C3orf49: variants seen among roughly 807,000 people sequenced by gnomAD.
The protein encoded by C3orf49 is chromosome 3 open reading frame 49.
C3orf49 carries 27 observed loss-of-function variants against 13.3 expected under a neutral mutation model. That is an observed-to-expected ratio of 2.02 (90% CI 1.49 to 2.79). C3orf49 has a LOEUF of 2.79. Ranked by LOEUF, C3orf49 falls within the 30% of genes most tolerant of loss-of-function variation. The probability of loss-of-function intolerance (pLI) is 0.00; values close to 1 mark genes in which losing one functional copy is unlikely to be tolerated. For missense variants in C3orf49, 242 were observed against 134.2 expected (o/e 1.80, Z -3.97); for synonymous variants, 87 against 47.6 (o/e 1.83, Z -3.40).
intron 2 of C3orf49, among the ~76,000 whole-genome samples, chr3:63,824,743 G>A (rs952661576): frequency 2.6e-5 from 4 of 151,594 alleles, no homozygotes; most frequent in Admixed American, 2.0e-4. Flanking sequence ...AAGCTGAAGT[G>A]GGCGAATCGC....
chr3:63,823,378 A>C lies in C3orf49; in HGVS notation c.254A>C (p.Lys85Thr), dbSNP rs1305847789. ...QQNQKSNLKTKVKTAFGRMLS... is the reference protein window; with the variant it reads ...QQNQKSNLKTTVKTAFGRMLS... The stretch of plus-strand genomic sequence containing the variant: ...AATCAGAAAAGTAATTTGAAGACGA[A>C]AGTGAAGACTGCTTTTGGGAGGATG... The change falls in exon 2 of 7, where the codon AAA becomes ACA. Residue 85 changes from lysine to threonine, a missense_variant. Lys to Thr is a moderately conservative substitution (Grantham distance 78). Coordinates refer to ENST00000295896, the MANE Select transcript of C3orf49 (RefSeq NM_001355236.2). 4 of 703,222 alleles carry C rather than the reference A, an allele frequency of 5.7e-6. No individual in the cohort carries two copies. The East Asian group carries it at 1.1e-4, about 19-fold the overall frequency. 43.6% of individuals were successfully genotyped at this position (703,222 alleles called of 1,614,324 possible). A position where few individuals can be genotyped will look rare whatever the true frequency, so the allele number is the denominator to read the frequency against.
the C3orf49 span, among the ~76,000 whole-genome samples, chr3:63,808,299 T>C: frequency 6.6e-6 from 1 of 152,264 alleles, no homozygotes; most frequent in Non-Finnish European, 1.5e-5. Flanking sequence ...CATTATGTTT[T>C]ATTAGACAGG....
the C3orf49 span, among the ~76,000 whole-genome samples, chr3:63,811,587 CA>C: frequency 4.0e-4 from 57 of 140,886 alleles, no homozygotes; most frequent in African/African-American, 1.4e-3. Flanking sequence ...AAAAAAAAAA[CA>C]AAAAAAAATA....
the C3orf49 span, among the ~76,000 whole-genome samples, chr3:63,809,064 A>G: frequency 1.3e-5 from 2 of 152,180 alleles, no homozygotes; most frequent in African/African-American, 4.8e-5. Flanking sequence ...CCAATCATGT[A>G]TATTTTCACC....
chr3:63,832,311 T>G lies in C3orf49; in HGVS notation c.849+467T>G, dbSNP rs539319253. ...GGGGGTGGGGATACGGAGGCAGCAT[T>G]TTAAAAAAAATTCTACCCAATAGTC... On this transcript the variant is annotated intron_variant, in intron 5 of 6. Coordinates refer to ENST00000295896, the MANE Select transcript of C3orf49 (RefSeq NM_001355236.2). Among the ~76,000 whole-genome samples, 3 of 152,234 alleles carry G rather than the reference T, an allele frequency of 2.0e-5. No individual in the cohort carries two copies. In the South Asian group the frequency reaches 6.2e-4, roughly 32 times the overall value.
At chr3:63,833,350 C>A (rs1209638111) in intron 5 of C3orf49, among the ~76,000 whole-genome samples, 1 of 152,064 alleles carries the variant, frequency 6.6e-6, no homozygotes, top group Non-Finnish European at 1.5e-5. Context: ...CTGCCCGCCT[C>A]GGCCTTCCAA....
intron 5 of C3orf49, among the ~76,000 whole-genome samples, chr3:63,832,476 T>C (rs905659492): frequency 6.6e-6 from 1 of 151,880 alleles, no homozygotes; most frequent in Non-Finnish European, 1.5e-5. Flanking sequence ...TTGGGCAATA[T>C]AGTGAGAATC....
At chr3:63,821,677 A>G (rs917131027) in intron 1 of C3orf49, among the ~76,000 whole-genome samples, 3 of 152,144 alleles carry the variant, frequency 2.0e-5, no homozygotes, top group African/African-American at 7.2e-5. Flanking sequence ...AATTATGCTG[A>G]GTGAAAAAAA....
At chr3:63,847,292 T>C (rs980689082) in intron 6 of C3orf49, among the ~76,000 whole-genome samples, 4 of 152,228 alleles carry the variant, frequency 2.6e-5, no homozygotes, top group Non-Finnish European at 5.9e-5. Context: ...AATTTCATCA[T>C]TATTTTAATG....
Position 63,830,011 on chromosome 3 carries a change from A to G in C3orf49, c.571-1099A>G, listed in dbSNP as rs114555320. ...AATTAATTGTCTACGTTTAGAAATT[A>G]GGATATTTCTAATACAATTCTGGGT... On this transcript the variant is annotated intron_variant, in intron 3 of 6. Coordinates refer to ENST00000295896, the MANE Select transcript of C3orf49 (RefSeq NM_001355236.2). Among the ~76,000 whole-genome samples, 1,295 of 152,322 alleles carry G rather than the reference A, an allele frequency of 8.5e-3. 18 individuals carry two copies. Among genetic ancestry groups the G allele is most frequent in the African/African-American group, 0.027 (1,138 of 41,570 alleles).
chr3:63,815,871 A>G (rs1575793332), upstream of C3orf49, among the ~76,000 whole-genome samples: 1 of 147,054 alleles, frequency 6.8e-6, no homozygotes, highest in Non-Finnish European at 1.5e-5. Flanking sequence ...GGTTCAAGCG[A>G]GGAGGCGTGA....
chr3:63,785,065 C>CTTTTTT, the C3orf49 span, among the ~76,000 whole-genome samples: 315 of 64,952 alleles, frequency 4.8e-3, 5 homozygotes, highest in Middle Eastern at 0.033. Flanking sequence ...TCTTCTTCTT[C>CTTTTTT]TTTTTTTTTT....
At chr3:63,791,593 G>C in the C3orf49 span, among the ~76,000 whole-genome samples, 1 of 152,312 alleles carries the variant, frequency 6.6e-6, no homozygotes, top group African/African-American at 2.4e-5. Flanking sequence ...CCCACCCCAA[G>C]AGATTCTGAT....
chr3:63,818,560 CT>C (rs1460686074), upstream of C3orf49, among the ~76,000 whole-genome samples: 1 of 152,196 alleles, frequency 6.6e-6, no homozygotes, highest in Non-Finnish European at 1.5e-5. Flanking sequence ...CACTTGAAAG[CT>C]TGAGAAGTAT....
intron 6 of C3orf49, among the ~76,000 whole-genome samples, chr3:63,846,406 T>G (rs1200602895): frequency 5.9e-5 from 9 of 152,272 alleles, no homozygotes; most frequent in African/African-American, 2.2e-4. Context: ...ACTTATTATT[T>G]AAAAATTTTT....
At chr3:63,815,749 GT>G (rs1701316487), upstream of C3orf49, among the ~76,000 whole-genome samples, 1 of 147,126 alleles carries the variant, frequency 6.8e-6, no homozygotes, top group Non-Finnish European at 1.5e-5. Flanking sequence ...TTATTTGTTT[GT>G]TTTTTTCTTT....
chr3:63,814,483 T>C (rs905764688), upstream of C3orf49, among the ~76,000 whole-genome samples: 2 of 152,114 alleles, frequency 1.3e-5, no homozygotes, highest in Admixed American at 6.6e-5. Flanking sequence ...GAGTCAACTG[T>C]TGTCATGGTT....
the C3orf49 span, among the ~76,000 whole-genome samples, chr3:63,802,540 A>G: frequency 6.6e-6 from 1 of 152,202 alleles, no homozygotes; most frequent in Non-Finnish European, 1.5e-5. Context: ...CTTGTCTTTA[A>G]TACAGTTATG....
At chr3:63,783,764 G>T in the C3orf49 span, among the ~76,000 whole-genome samples, 1 of 151,168 alleles carries the variant, frequency 6.6e-6, no homozygotes, top group Non-Finnish European at 1.5e-5. Flanking sequence ...AATTAATTCT[G>T]GGAAGCCTTT....
Sources: allele counts gnomAD v4.1 joint callset (sites outside exome capture counted in the v4.1 genomes callset), GRCh38; gene constraint gnomAD v4.1.1; transcripts MANE v1.5; gene names NCBI Gene and HGNC (gene_info 2026-07-23, HGNC 2026-07-21).